MYCBP2: variants seen among roughly 807,000 people sequenced by gnomAD.
MYCBP2 encodes MYC binding protein 2.
In MYCBP2, 120 loss-of-function variants were observed where a neutral mutation model predicts 525.3. That is an observed-to-expected ratio of 0.23 (90% CI 0.20 to 0.27). The LOEUF is 0.27. MYCBP2 is among the 10% of genes least tolerant of loss of function. The pLI is 1.00. For synonymous variants in MYCBP2, 1,894 were observed against 1,955.8 expected, an observed-to-expected ratio of 0.97 and a Z score of 0.83; for missense variants, 4,149 against 5,657.1, an observed-to-expected ratio of 0.73 and a Z score of 8.55.
At chr13:77,301,198 T>C (rs1223265251) in intron 1 of MYCBP2, among the ~76,000 whole-genome samples, 1 of 151,792 alleles carries the variant, frequency 6.6e-6, no homozygotes, top group Non-Finnish European at 1.5e-5. Flanking sequence ...GCAGATTACT[T>C]GAGGTCAGGA....
chr13:77,301,137 G>A (rs2078744341), intron 1 of MYCBP2, among the ~76,000 whole-genome samples: 1 of 152,096 alleles, frequency 6.6e-6, no homozygotes, highest in Non-Finnish European at 1.5e-5. Flanking sequence ...GGTCAAGGCT[G>A]GGCGCGGTGG....
chr13:77,100,790 C>T (rs950994898), intron 55 of MYCBP2, among the ~76,000 whole-genome samples: 54 of 151,904 alleles, frequency 3.6e-4, no homozygotes, highest in Admixed American at 9.9e-4. Flanking sequence ...ATTATGTGCT[C>T]TGTTTTATAA....
intron 47 of MYCBP2, among the ~76,000 whole-genome samples, chr13:77,149,910 T>C (rs1382869541): frequency 6.6e-6 from 1 of 152,198 alleles, no homozygotes; most frequent in Non-Finnish European, 1.5e-5. Context: ...AACCAAGTCA[T>C]GTTTCTTGAT....
At chr13:77,196,715 T>C (rs1487750787) in intron 26 of MYCBP2, among the ~76,000 whole-genome samples, 1 of 151,972 alleles carries the variant, frequency 6.6e-6, no homozygotes, top group African/African-American at 2.4e-5. Flanking sequence ...AACATGAGGA[T>C]AGCAGGTTTA....
intron 79 of MYCBP2, 151 bp downstream of exon 79, chr13:77,056,835 T>TTA (rs1322768381): frequency 5.1e-5 from 31 of 608,688 alleles, no homozygotes; most frequent in Admixed American, 4.0e-4. Context: ...AACAGAGAGA[T>TTA]TATATTCTCA....
Position 77,166,445 on chromosome 13 carries a change from T to G in MYCBP2, c.6224A>C (p.Gln2075Pro). 1 of 1,614,064 alleles carries G rather than the reference T, an allele frequency of 6.2e-7. No individual in the cohort carries two copies. Among genetic ancestry groups the G allele is most frequent in the African/African-American group, 1.3e-5 (1 of 75,042 alleles). ...CAATTTTGGTCCATATCCTGAATTC[T>G]GAACAGTTCTGACAGGAATCAACAA... ...LRLLIPVRTV[Q>P]NSGYGPKLTS... is the part of the protein sequence containing the mutation. Residue 2075 changes from glutamine to proline, a missense_variant, in exon 41 of 83, where the codon CAG becomes CCG. Around this residue, in one of 21 missense-constraint regions of MYCBP2, gnomAD observed 692 missense variants for 852.7 expected, o/e 0.81. Coordinates refer to ENST00000544440, the MANE Select transcript of MYCBP2 (RefSeq NM_015057.5).
intron 68 of MYCBP2, among the ~76,000 whole-genome samples, chr13:77,073,610 T>C (rs2041762794): frequency 6.6e-6 from 1 of 152,116 alleles, no homozygotes; most frequent in Non-Finnish European, 1.5e-5. Flanking sequence ...CCCAAATTTA[T>C]TGAAGACTAC....
chr13:77,228,826 C>T (rs2066720218), intron 18 of MYCBP2, among the ~76,000 whole-genome samples: 2 of 151,750 alleles, frequency 1.3e-5, no homozygotes, highest in Admixed American at 1.3e-4. Flanking sequence ...ATTATATACA[C>T]ATATTTGTAT....
chr13:77,057,047 A>G lies in MYCBP2; in HGVS notation c.13376T>C (p.Leu4459Ser). The part of the protein sequence containing the change: ...IFHLQCCRRV[L>S]ENRWLGPRIT... ...CCTTGGGCCAAGCCATCGATTTTCT[A>G]ATACTCGCCGACAGCACTGTAAGTG... The change falls in exon 79 of 83, where the codon TTA (leucine) becomes TCA (serine). Residue 4459 changes from leucine to serine, a missense_variant. Coordinates refer to ENST00000544440, the MANE Select transcript of MYCBP2 (RefSeq NM_015057.5). The G allele has an allele frequency of 3.1e-6, 5 of 1,614,016 alleles. No homozygotes were observed. Among genetic ancestry groups the G allele is most frequent in the Non-Finnish European group, 4.2e-6 (5 of 1,179,932 alleles).
In MYCBP2 at chr13:77,243,857, T is replaced by C; in HGVS notation, c.2476A>G (p.Arg826Gly). 6.2e-7 allele frequency: 1 copy of C among 1,613,828 alleles called. No homozygotes were observed. The highest frequency in any genetic ancestry group is 8.5e-7 in the Non-Finnish European group (1 of 1,179,924). The change falls in exon 16 of 83, where the codon AGA becomes GGA. Residue 826 changes from arginine (R) to glycine (G), a missense_variant. This residue lies in a region of MYCBP2 where 620 missense variants were observed against 795.5 expected (regional missense o/e 0.78). Coordinates refer to ENST00000544440, the MANE Select transcript of MYCBP2 (RefSeq NM_015057.5). ...TCTTTCACTGCATCAAGAATTCCTCTTTGTCTTGCCTCTTGACCATCTAAC... is the reference window on the plus strand; with the variant it reads ...TCTTTCACTGCATCAAGAATTCCTCCTTGTCTTGCCTCTTGACCATCTAAC... ...RELDGQEARQ[R>G]GILDAVKEMI...
At chr13:77,303,329 T>C (rs2079019324) in intron 1 of MYCBP2, among the ~76,000 whole-genome samples, 1 of 152,166 alleles carries the variant, frequency 6.6e-6, no homozygotes, top group Non-Finnish European at 1.5e-5. Flanking sequence ...CGAGACTCCG[T>C]CTCAAAACAA....
rs1566817692 is a variant in MYCBP2 at position 77,176,608 on chromosome 13, T to A, written c.5361A>T (p.Ser1787=). The A allele has an allele frequency of 6.3e-7, 1 of 1,575,924 alleles. No individual in the cohort carries two copies. The highest frequency in any genetic ancestry group is 1.3e-5 in the African/African-American group (1 of 74,430). The change falls in exon 36 of 83, where the codon TCA becomes TCT. Residue 1787 remains serine (S), a synonymous_variant. Coordinates refer to ENST00000544440, the MANE Select transcript of MYCBP2 (RefSeq NM_015057.5). ...LVDDSEHAGD[S]THSHRWTSLE... is the part of the protein sequence containing the mutation. ...GAGATGTCCATCTGTGGGAATGAGT[T>A]GAATCTCCTGCATGTTCACTCTAAA...
At chr13:77,183,293 T>G (rs1198059482) in intron 32 of MYCBP2, among the ~76,000 whole-genome samples, 1 of 152,114 alleles carries the variant, frequency 6.6e-6, no homozygotes, top group Non-Finnish European at 1.5e-5. Context: ...CCAAAAGACT[T>G]TGTAAAAGGT....
At chr13:77,299,319 T>C (rs752300629) in intron 1 of MYCBP2, among the ~76,000 whole-genome samples, 3 of 152,202 alleles carry the variant, frequency 2.0e-5, no homozygotes, top group Non-Finnish European at 2.9e-5. Context: ...CTTCTTTCTA[T>C]GCATGATGGC....
chr13:77,114,237 C>T (rs2049328283), intron 55 of MYCBP2, among the ~76,000 whole-genome samples: 1 of 152,102 alleles, frequency 6.6e-6, no homozygotes, highest in Non-Finnish European at 1.5e-5. Flanking sequence ...AAATTCCTTC[C>T]TGCAACTCAT....
intron 18 of MYCBP2, among the ~76,000 whole-genome samples, chr13:77,229,784 A>G (rs888779275): frequency 6.6e-6 from 1 of 152,202 alleles, no homozygotes; most frequent in African/African-American, 2.4e-5. Flanking sequence ...ATAAAATTGA[A>G]GCCTAATTCC....
chr13:77,310,452 A>G (rs1428826147), intron 1 of MYCBP2, among the ~76,000 whole-genome samples: 2 of 152,116 alleles, frequency 1.3e-5, no homozygotes, highest in Non-Finnish European at 2.9e-5. Flanking sequence ...TTATCCATTT[A>G]TATATATTGT....
chr13:77,308,112 G>A (rs868513574), intron 1 of MYCBP2, among the ~76,000 whole-genome samples: 21 of 152,292 alleles, frequency 1.4e-4, no homozygotes, highest in Middle Eastern at 3.4e-3. Flanking sequence ...AGCCAGTTAA[G>A]TTCTCTATCA....
chr13:77,274,966 C>T (rs2075352737), intron 4 of MYCBP2, among the ~76,000 whole-genome samples: 1 of 152,074 alleles, frequency 6.6e-6, no homozygotes, highest in Admixed American at 6.6e-5. Flanking sequence ...ATCCTTCCTT[C>T]CCTCCATCCT....
Sources: gnomAD v4.1 joint callset for allele counts (sites outside exome capture counted in the v4.1 genomes callset) on GRCh38, gnomAD v4.1.1 for gene constraint, gnomAD v4.1.1 regional missense constraint, MANE v1.5 for transcripts, NCBI Gene and HGNC (gene_info 2026-07-23, HGNC 2026-07-21) for gene names.